Variants in MYCBP2 observed in about 807,000 individuals in gnomAD.
MYCBP2 encodes the protein E3 ubiquitin-protein ligase MYCBP2.
In MYCBP2, 120 loss-of-function variants were observed where a neutral mutation model predicts 525.3. That is an observed-to-expected ratio of 0.23 (90% CI 0.20 to 0.27). The LOEUF is 0.27. Among genes scored for constraint, MYCBP2 ranks in the 10% least tolerant of loss-of-function variants. MYCBP2 has a pLI of 1.00. For missense variants in MYCBP2, 4,149 were observed against 5,657.1 expected, an observed-to-expected ratio of 0.73 and a Z score of 8.55; for synonymous variants, 1,894 against 1,955.8, an observed-to-expected ratio of 0.97 and a Z score of 0.83.
chr13:77,199,741 CT>C (rs2062237433), intron 26 of MYCBP2, among the ~76,000 whole-genome samples: 2 of 152,170 alleles, frequency 1.3e-5, no homozygotes, highest in African/African-American at 4.8e-5. Context: ...ACCCCTGACC[CT>C]CCAGCAGCCT....
chr13:77,244,703 G>T (rs974641300), intron 15 of MYCBP2, among the ~76,000 whole-genome samples: 1 of 152,186 alleles, frequency 6.6e-6, no homozygotes, highest in African/African-American at 2.4e-5. Context: ...CACAGCAAAA[G>T]AAAGTATCAT....
At chr13:77,179,898 G>A (rs2060056596) in intron 34 of MYCBP2, among the ~76,000 whole-genome samples, 1 of 152,122 alleles carries the variant, frequency 6.6e-6, no homozygotes, top group Non-Finnish European at 1.5e-5. Flanking sequence ...GCTCTATGAG[G>A]AAAATGTATA....
chr13:77,278,909 A>T lies in MYCBP2; in HGVS notation c.597T>A (p.Ile199=). Residue 199 remains isoleucine, a splice_region_variant and synonymous_variant, in exon 4 of 83, where the codon ATT becomes ATA. Coordinates refer to ENST00000544440, the MANE Select transcript of MYCBP2 (RefSeq NM_015057.5). Reference sequence around the variant, plus strand: ...AAACTTCACAAAGGCCAACCTCAATAATCTATTTAAAAGGAAAAAATATAT... The same window carrying T: ...AAACTTCACAAAGGCCAACCTCAATTATCTATTTAAAAGGAAAAAATATAT... ...SKEPPIKLPK[I]IEVGLCEVFE... 1 of 1,561,818 alleles carries T rather than the reference A, an allele frequency of 6.4e-7. No homozygotes were observed. The highest frequency in any genetic ancestry group is 8.6e-7 in the Non-Finnish European group (1 of 1,158,102).
At chr13:77,164,393 A>T in intron 43 of MYCBP2, 61 bp downstream of exon 43, 1 of 1,123,640 alleles carries the variant, frequency 8.9e-7, no homozygotes, top group Non-Finnish European at 1.3e-6. Flanking sequence ...TGGCCCTTTT[A>T]TAATACATAC....
At chr13:77,064,256 G>T (rs565977683) in intron 73 of MYCBP2, among the ~76,000 whole-genome samples, 1 of 152,284 alleles carries the variant, frequency 6.6e-6, no homozygotes, top group East Asian at 1.9e-4. Context: ...TGTCTCCAAA[G>T]GACCTTCGGT....
At chr13:77,182,733 A>G (rs189446265) in intron 32 of MYCBP2, among the ~76,000 whole-genome samples, 2 of 152,334 alleles carry the variant, frequency 1.3e-5, no homozygotes, top group African/African-American at 2.4e-5. Flanking sequence ...CCTGGGATGC[A>G]TTAGTGATGA....
At chr13:77,048,232 C>A (rs931450073) in intron 82 of MYCBP2, among the ~76,000 whole-genome samples, 18 of 152,104 alleles carry the variant, frequency 1.2e-4, no homozygotes, top group Non-Finnish European at 2.6e-4. Flanking sequence ...CCTTCCACGA[C>A]AGCAAGAAAG....
chr13:77,263,819 C>G (rs758710429), intron 9 of MYCBP2, 30 bp from the exon 10 acceptor site: 1 of 1,612,276 alleles, frequency 6.2e-7, no homozygotes, highest in Non-Finnish European at 8.5e-7. Context: ...CACAGCATTA[C>G]ATTACATAAA....
intron 19 of MYCBP2, 124 bp downstream of exon 19, chr13:77,225,311 T>G: frequency 7.9e-7 from 1 of 1,270,210 alleles, no homozygotes; most frequent in Non-Finnish European, 1.1e-6. Context: ...CTTACAGATT[T>G]GAGAGACTGC....
At chr13:77,199,317 T>C (rs562619844) in intron 26 of MYCBP2, among the ~76,000 whole-genome samples, 6 of 152,232 alleles carry the variant, frequency 3.9e-5, no homozygotes, top group Non-Finnish European at 7.3e-5. Flanking sequence ...CCCACCTGAA[T>C]ACTGCACTTT....
intron 55 of MYCBP2, among the ~76,000 whole-genome samples, chr13:77,111,949 C>T (rs1247770782): frequency 6.6e-6 from 1 of 152,154 alleles, no homozygotes; most frequent in Non-Finnish European, 1.5e-5. Context: ...GTCTAAGACA[C>T]TGACACTAGG....
At chr13:77,085,979 G>C (rs996864105) in intron 62 of MYCBP2, among the ~76,000 whole-genome samples, 14 of 152,094 alleles carry the variant, frequency 9.2e-5, no homozygotes, top group African/African-American at 3.4e-4. Context: ...CTTGCAGTCT[G>C]TCAATTGTTA....
chr13:77,143,716 T>C (rs1021642622), intron 49 of MYCBP2, among the ~76,000 whole-genome samples: 3 of 152,210 alleles, frequency 2.0e-5, no homozygotes, highest in African/African-American at 7.2e-5. Flanking sequence ...AATTTCATCA[T>C]TGTGCAAACA....
At chr13:77,095,734 T>C in intron 57 of MYCBP2, 132 bp from the exon 58 acceptor site, 1 of 1,139,328 alleles carries the variant, frequency 8.8e-7, no homozygotes, top group Non-Finnish European at 1.2e-6. Context: ...AATAAGATTA[T>C]AAAAAACAAC....
intron 8 of MYCBP2, among the ~76,000 whole-genome samples, chr13:77,266,126 T>C (rs911588238): frequency 6.6e-6 from 1 of 152,220 alleles, no homozygotes; most frequent in African/African-American, 2.4e-5. Flanking sequence ...TTTCAAATTG[T>C]CTTATCAATA....
rs542772000 is a variant in MYCBP2, at chr13:77,070,611, T to C, written c.11904+20A>G. The C allele has an allele frequency of 1.2e-4, 180 of 1,539,662 alleles. 1 individual carries two copies. In the South Asian group the frequency reaches 2.0e-3, roughly 17 times the overall value. On this transcript the variant is annotated intron_variant, in intron 69 of 82. Coordinates refer to ENST00000544440, the MANE Select transcript of MYCBP2 (RefSeq NM_015057.5). ...ACACACACAAAACTAATGAAGACAA[T>C]GAAATAGCTGTTAACCAACCTGTTT...
Position 77,225,487 on chromosome 13 carries a change from T to C in MYCBP2, c.2805A>G (p.Arg935=). The C allele has an allele frequency of 6.2e-7, 1 of 1,613,826 alleles. No individual in the cohort carries two copies. The highest frequency in any genetic ancestry group is 2.2e-5 in the East Asian group (1 of 44,886). The change falls in exon 19 of 83, where the codon CGA becomes CGG. Residue 935 remains arginine, a synonymous_variant. Transcript: ENST00000544440. The part of the protein sequence containing the change: ...KITTYPPGSV[R]FDCELRAVQV... ...GGACTGCCCGGAGCTCACAGTCAAA[T>C]CGCACAGAGCCTGGAGGGTATGTTG... is the stretch of plus-strand genomic sequence containing the variant.
chr13:77,311,830 G>C (rs143546875), intron 1 of MYCBP2, among the ~76,000 whole-genome samples: 188 of 152,090 alleles, frequency 1.2e-3, no homozygotes, highest in African/African-American at 4.2e-3. Context: ...AAGGTCAGAA[G>C]AAAGACACAA....
intron 29 of MYCBP2, among the ~76,000 whole-genome samples, chr13:77,189,567 G>A (rs2061096112): frequency 6.6e-6 from 1 of 152,110 alleles, no homozygotes; most frequent in Non-Finnish European, 1.5e-5. Context: ...CACAGTTCTA[G>A]ACCATTTCCT....
Sources: allele counts gnomAD v4.1 joint callset (sites outside exome capture counted in the v4.1 genomes callset), GRCh38; gene constraint gnomAD v4.1.1; transcripts MANE v1.5; gene names NCBI Gene and HGNC (gene_info 2026-07-23, HGNC 2026-07-21).